The following CNTNAP4 variants were observed in gnomAD, a reference collection of about 807,000 sequenced individuals.
CNTNAP4 encodes the protein contactin-associated protein-like 4.
CNTNAP4 carries 98 observed loss-of-function variants against 148.4 expected under a neutral mutation model. The observed-to-expected ratio is 0.66, with a 90% CI of 0.56 to 0.78. The LOEUF (loss-of-function observed/expected upper bound fraction) is 0.78. Ranked by LOEUF, CNTNAP4 falls within the 30% of genes least tolerant of loss-of-function variation. The pLI, the probability that CNTNAP4 is intolerant of heterozygous loss-of-function variation, is 0.00. For synonymous variants in CNTNAP4, 730 were observed against 565.1 expected, an observed-to-expected ratio of 1.29 and a Z score of -4.14; for missense variants, 1,935 against 1,565.6, an observed-to-expected ratio of 1.24 and a Z score of -3.98.
At chr16:76,480,484 G>T (rs147662630) in intron 12 of CNTNAP4, among the ~76,000 whole-genome samples, 2 of 152,056 alleles carry the variant, frequency 1.3e-5, no homozygotes, top group African/African-American at 4.8e-5. Context: ...CATTGATCAC[G>T]CCTGTAATCC....
chr16:76,442,426 T>C (rs562229144), intron 4 of CNTNAP4, among the ~76,000 whole-genome samples: 3 of 152,266 alleles, frequency 2.0e-5, no homozygotes, highest in African/African-American at 7.2e-5. Context: ...GTCTGAATCC[T>C]TTTATGTTGC....
rs9927549 is a variant in CNTNAP4, at chr16:76,358,368, T to G, written c.390+2857T>G. ...AAACAAACAGCAACAACAAAATCAC[T>G]GAAGAGATAAGGCATATCAGAGCAA... On this transcript the variant is annotated intron_variant, in intron 3 of 23. Transcript: ENST00000611870. 7.7e-3 allele frequency among the ~76,000 whole-genome samples: 1,170 copies of G among 152,044 alleles called. 13 individuals are homozygous for G. The highest frequency in any genetic ancestry group is 0.026 in the African/African-American group (1,094 of 41,476).
At chr16:76,441,671 A>G (rs947391682) in intron 4 of CNTNAP4, among the ~76,000 whole-genome samples, 1 of 152,180 alleles carries the variant, frequency 6.6e-6, no homozygotes, top group African/African-American at 2.4e-5. Context: ...CCTGGCAATG[A>G]CATTGATAAT....
chr16:76,312,075 A>T (rs953700296), intron 1 of CNTNAP4, among the ~76,000 whole-genome samples: 14 of 152,180 alleles, frequency 9.2e-5, no homozygotes, highest in Non-Finnish European at 1.9e-4. Flanking sequence ...CTGTGAGATT[A>T]CTCCAGGAGA....
At chr16:76,371,823 GA>G (rs2014856971) in intron 3 of CNTNAP4, among the ~76,000 whole-genome samples, 1 of 152,164 alleles carries the variant, frequency 6.6e-6, no homozygotes, top group Non-Finnish European at 1.5e-5. Context: ...TCTTCTGGGT[GA>G]TACTCTTCAG....
chr16:76,507,650 G>C lies in CNTNAP4; in HGVS notation c.2365+8956G>C, dbSNP rs1461153856. 1.2e-4 allele frequency among the ~76,000 whole-genome samples: 12 copies of C among 97,904 alleles called. 3 individuals are homozygous for C. The highest frequency in any genetic ancestry group is 3.1e-4 in the African/African-American group (12 of 38,980). 64.2% of individuals were successfully genotyped at this position (97,904 alleles called of 152,430 possible). A position where few individuals can be genotyped will look rare whatever the true frequency, so the allele number is the denominator to read the frequency against. On this transcript the variant is annotated intron_variant, in intron 15 of 23. Coordinates refer to ENST00000611870, the MANE Select transcript of CNTNAP4 (RefSeq NM_033401.5). ...CAGCTCTAGGTCAAAGGTTGGGTATGAAGTGGACCAATGGTGCTGACATAG... is the reference window on the plus strand; with the variant it reads ...CAGCTCTAGGTCAAAGGTTGGGTATCAAGTGGACCAATGGTGCTGACATAG...
intron 1 of CNTNAP4, among the ~76,000 whole-genome samples, chr16:76,308,269 T>C (rs553534115): frequency 1.3e-5 from 2 of 152,332 alleles, no homozygotes; most frequent in East Asian, 3.9e-4. Context: ...AAGAACTGCA[T>C]AGTAGTCTAC....
At position 76,427,452 on chromosome 16, in the gene CNTNAP4, G is replaced by C. The variant is rs1021424371; in HGVS notation, c.391G>C (p.Gly131Arg). ...TGTGCTTCTTTCCCTTTTCTTTTAG[G>C]GTTTTTCAGGAAATGCAAATGCAGA... The part of the protein sequence containing the change: ...KQYRQEDSIW[G>R]FSGNANADSV... The change falls in exon 4 of 24, where the codon GGT becomes CGT. Residue 131 changes from glycine to arginine, a missense_variant and splice_region_variant. By Grantham distance (125) the Gly-to-Arg change is moderately radical (BLOSUM62 -2). Transcript: ENST00000611870. 1 of 1,601,012 alleles carries C rather than the reference G, an allele frequency of 6.2e-7. No homozygotes were observed. Among genetic ancestry groups the C allele is most frequent in the Non-Finnish European group, 8.5e-7 (1 of 1,174,792 alleles).
chr16:76,429,548 A>T (rs970933479), intron 4 of CNTNAP4, among the ~76,000 whole-genome samples: 3 of 152,150 alleles, frequency 2.0e-5, no homozygotes, highest in African/African-American at 7.2e-5. Context: ...TATGCATTAA[A>T]CCTAGGATAT....
intron 21 of CNTNAP4, among the ~76,000 whole-genome samples, chr16:76,545,230 T>C (rs1245606401): frequency 6.6e-6 from 1 of 152,202 alleles, no homozygotes; most frequent in East Asian, 1.9e-4. Context: ...CTGTCTTCAG[T>C]GCGTAGCATG....
rs1005257702 is a variant in CNTNAP4 at position 76,452,434 on chromosome 16, A to C, written c.1072-74A>C. On this transcript the variant is annotated intron_variant, in intron 7 of 23. Transcript: ENST00000611870. ...AATCGCGGATAATGTGAGATTGAAA[A>C]GCAGCCTTCAAATTCTGTTACTAAT... 11 of 1,477,642 alleles carry C rather than the reference A, an allele frequency of 7.4e-6. No individual in the cohort carries two copies. The Admixed American group carries it at 1.4e-4, about 19-fold the overall frequency. 91.5% of individuals were successfully genotyped at this position (1,477,642 alleles called of 1,614,324 possible).
intron 3 of CNTNAP4, 29 bp from the exon 4 acceptor site, chr16:76,427,423 T>A: frequency 6.3e-7 from 1 of 1,588,606 alleles, no homozygotes; most frequent in Non-Finnish European, 8.6e-7. Context: ...TCCAGATACA[T>A]TGATGTGCTT....
At chr16:76,449,038 A>G (rs1329177611) in intron 6 of CNTNAP4, 87 bp downstream of exon 6, 3 of 1,227,684 alleles carry the variant, frequency 2.4e-6, no homozygotes, top group Non-Finnish European at 3.5e-6. Flanking sequence ...TAAAGAGCCC[A>G]CCTTTTCAGT....
intron 11 of CNTNAP4, among the ~76,000 whole-genome samples, 197 bp from the exon 12 acceptor site, chr16:76,479,222 C>T (rs533666174): frequency 1.1e-3 from 172 of 152,118 alleles, no homozygotes; most frequent in Non-Finnish European, 1.9e-3. Context: ...AAATCAACTT[C>T]TTTTTTTGCT....
chr16:76,330,693 TC>T (rs1446063687), intron 2 of CNTNAP4, among the ~76,000 whole-genome samples: 1 of 152,264 alleles, frequency 6.6e-6, no homozygotes, highest in Non-Finnish European at 1.5e-5. Flanking sequence ...GTGTGCTATT[TC>T]TTATACTTAT....
chr16:76,522,747 T>G, intron 17 of CNTNAP4, among the ~76,000 whole-genome samples: 1 of 112,460 alleles, frequency 8.9e-6, no homozygotes, highest in East Asian at 2.2e-4. Context: ...TTTTCTTTTC[T>G]TTTCTTTTCT....
intron 3 of CNTNAP4, among the ~76,000 whole-genome samples, chr16:76,384,668 C>G (rs532597204): frequency 8.0e-4 from 121 of 152,186 alleles, no homozygotes; most frequent in African/African-American, 2.8e-3. Context: ...TCATGGTAGG[C>G]GATTGGAAGT....
Position 76,380,208 on chromosome 16 carries a change from A to G in CNTNAP4, c.390+24697A>G, listed in dbSNP as rs150956961. Among the ~76,000 whole-genome samples, 55 of 152,324 alleles carry G rather than the reference A, an allele frequency of 3.6e-4. No homozygotes were observed. In the East Asian group the frequency reaches 6.6e-3, roughly 18 times the overall value. ...GTTATTTCATTTTGAATAAGATATAATAACTAGAGGCTTTGTAGTAGCTAA... is the reference window on the plus strand; with the variant it reads ...GTTATTTCATTTTGAATAAGATATAGTAACTAGAGGCTTTGTAGTAGCTAA... On this transcript the variant is annotated intron_variant, in intron 3 of 23. Coordinates refer to ENST00000611870, the MANE Select transcript of CNTNAP4 (RefSeq NM_033401.5).
chr16:76,441,695 T>C lies in CNTNAP4; in HGVS notation c.539-6317T>C, dbSNP rs577093124. On this transcript the variant is annotated intron_variant, in intron 4 of 23. Transcript: ENST00000611870. ...GACATTGATAATTAAGGGTTTCTTATGTACTTCAGCAATTCATTATTATTT... is the reference window on the plus strand; with the variant it reads ...GACATTGATAATTAAGGGTTTCTTACGTACTTCAGCAATTCATTATTATTT... 3.3e-5 allele frequency among the ~76,000 whole-genome samples: 5 copies of C among 152,348 alleles called. No homozygotes were observed. The South Asian group carries it at 1.0e-3, about 32-fold the overall frequency.
Sources: gnomAD v4.1 joint callset for allele counts (sites outside exome capture counted in the v4.1 genomes callset) on GRCh38, gnomAD v4.1.1 for gene constraint, MANE v1.5 for transcripts, NCBI Gene and HGNC (gene_info 2026-07-23, HGNC 2026-07-21) for gene names.